The following PCDH11X variants were observed in gnomAD, a reference collection of about 807,000 sequenced individuals.
The protein encoded by PCDH11X is protocadherin-11 X-linked.
In PCDH11X, 18 loss-of-function variants were observed where a neutral mutation model predicts 53.3. The ratio of observed to expected loss-of-function variants is 0.34; its 90% CI spans 0.23 to 0.50. The LOEUF is 0.50. PCDH11X is among the 20% of genes least tolerant of loss of function. The probability of loss-of-function intolerance (pLI) is 0.98; values close to 1 mark genes in which losing one functional copy is unlikely to be tolerated. For synonymous variants in PCDH11X, 279 were observed against 393.3 expected, an observed-to-expected ratio of 0.71 and a Z score of 3.44; for missense variants, 570 against 1,032.4, an observed-to-expected ratio of 0.55 and a Z score of 6.14.
At chrX:92,284,794 G>A (rs2068326238) in intron 8 of PCDH11X, among the ~76,000 whole-genome samples, 1 of 111,766 alleles carries the variant, frequency 8.9e-6, no homozygotes, top group Non-Finnish European at 1.9e-5. Flanking sequence ...AACTCTCAAC[G>A]GCTTTGTTGC....
chrX:92,349,711 C>G (rs747852448), intron 8 of PCDH11X, among the ~76,000 whole-genome samples: 164 of 111,355 alleles, frequency 1.5e-3, no homozygotes, highest in African/African-American at 5.1e-3. Context: ...ATAAATTGTA[C>G]TTCGAGTATG....
intron 6 of PCDH11X, among the ~76,000 whole-genome samples, chrX:92,004,966 G>A (rs1486332569): frequency 1.8e-5 from 2 of 109,064 alleles, no homozygotes; most frequent in African/African-American, 3.3e-5. Flanking sequence ...TAGTAGAGAC[G>A]GGTTTCACCA....
chrX:91,924,277 G>T (rs1347604105), intron 6 of PCDH11X, among the ~76,000 whole-genome samples: 1 of 110,376 alleles, frequency 9.1e-6, no homozygotes, highest in Non-Finnish European at 1.9e-5. Flanking sequence ...CATAGTGATG[G>T]GACGTTAGAA....
chrX:91,824,526 C>T (rs1936831169), intron 4 of PCDH11X, among the ~76,000 whole-genome samples: 1 of 110,441 alleles, frequency 9.1e-6, no homozygotes, highest in East Asian at 2.8e-4. Flanking sequence ...TCAGCTCCAT[C>T]AGCTCCTTTA....
intron 7 of PCDH11X, among the ~76,000 whole-genome samples, chrX:92,254,980 G>A (rs1354708620): frequency 1.1e-5 from 1 of 94,120 alleles, no homozygotes; most frequent in African/African-American, 3.9e-5. Flanking sequence ...GAATCTGAAC[G>A]TTGGCCTGCC....
rs140902648 is a variant in PCDH11X at position 92,182,961 on chromosome X, A to G, written c.3034-18414A>G. Among the ~76,000 whole-genome samples, 375 of 110,972 alleles carry G rather than the reference A, an allele frequency of 3.4e-3. 1 individual carries two copies. The highest frequency in any genetic ancestry group is 0.019 in the Middle Eastern group (4 of 216). On this transcript the variant is annotated intron_variant, in intron 6 of 10. Transcript: ENST00000682573. ...CCCAAGACTCAACTCTTGATTCCCTACCTACAAGCCTGCTCTTCTTGAGTC... is the reference window on the plus strand; with the variant it reads ...CCCAAGACTCAACTCTTGATTCCCTGCCTACAAGCCTGCTCTTCTTGAGTC...
intron 10 of PCDH11X, among the ~76,000 whole-genome samples, chrX:92,522,747 A>G (rs1247504315): frequency 8.9e-6 from 1 of 112,670 alleles, no homozygotes; most frequent in Admixed American, 9.4e-5. Flanking sequence ...CTTCTGAAGA[A>G]GAGGAATTAC....
chrX:92,069,117 A>G (rs1489905606), intron 6 of PCDH11X, among the ~76,000 whole-genome samples: 1 of 110,153 alleles, frequency 9.1e-6, no homozygotes, highest in East Asian at 2.9e-4. Flanking sequence ...CACTCTCTTC[A>G]GCTCTAATAA....
intron 1 of PCDH11X, among the ~76,000 whole-genome samples, chrX:91,807,237 T>C (rs72605163): frequency 0.19 from 20,744 of 106,670 alleles, 1,849 homozygotes; most frequent in East Asian, 0.3. Flanking sequence ...TAGTCCTAGT[T>C]GGGAGGCTGA....
intron 6 of PCDH11X, among the ~76,000 whole-genome samples, chrX:91,890,703 A>G (rs1464728051): frequency 3.7e-5 from 4 of 108,779 alleles, no homozygotes; most frequent in Non-Finnish European, 7.6e-5. Context: ...TTTAATAATT[A>G]TGAAAATAAA....
intron 1 of PCDH11X, among the ~76,000 whole-genome samples, chrX:91,805,955 CT>C (rs1260722694): frequency 9.1e-6 from 1 of 110,008 alleles, no homozygotes; most frequent in Non-Finnish European, 1.9e-5. Flanking sequence ...GTGCCTAGGA[CT>C]TTTTTCTTAA....
At chrX:92,168,607 A>G (rs890432558) in intron 6 of PCDH11X, among the ~76,000 whole-genome samples, 1 of 111,535 alleles carries the variant, frequency 9.0e-6, no homozygotes, top group Non-Finnish European at 1.9e-5. Context: ...ATCTTGGCAG[A>G]AAATTAATAA....
chrX:92,594,779 A>T (rs1925395866), intron 10 of PCDH11X, among the ~76,000 whole-genome samples: 1 of 108,187 alleles, frequency 9.2e-6, no homozygotes, highest in Non-Finnish European at 1.9e-5. Flanking sequence ...GGAATTAATT[A>T]CATAGACTGA....
chrX:92,495,219 T>C (rs1379246046), intron 10 of PCDH11X, among the ~76,000 whole-genome samples: 1 of 111,131 alleles, frequency 9.0e-6, no homozygotes. Context: ...CTGCATACCG[T>C]CTCTTTCCAT....
chrX:92,430,820 C>A (rs1258259997), intron 9 of PCDH11X, among the ~76,000 whole-genome samples: 2 of 109,155 alleles, frequency 1.8e-5, no homozygotes, highest in African/African-American at 3.3e-5. Flanking sequence ...AAAAATAAAT[C>A]AGGTTTACAA....
rs753773696 is a variant in PCDH11X at position 92,332,953 on chromosome X, T to C, written c.3145-54782T>C. On this transcript the variant is annotated intron_variant, in intron 8 of 10. Coordinates refer to ENST00000682573, the MANE Select transcript of PCDH11X (RefSeq NM_032968.5). Reference sequence around the variant, plus strand: ...GTGGAAACTTAACAACTTGGGTTTATGTCTAGGCATTCAGAGGGGTTACCA... The same window carrying C: ...GTGGAAACTTAACAACTTGGGTTTACGTCTAGGCATTCAGAGGGGTTACCA... 1.5e-4 allele frequency among the ~76,000 whole-genome samples: 17 copies of C among 112,234 alleles called. No homozygotes were observed. The South Asian group carries it at 4.4e-3, about 29-fold the overall frequency.
At chrX:92,414,930 A>C (rs2071775396) in intron 9 of PCDH11X, among the ~76,000 whole-genome samples, 1 of 110,595 alleles carries the variant, frequency 9.0e-6, no homozygotes, top group South Asian at 3.9e-4. Flanking sequence ...CATTTTCAGA[A>C]GGTAATTATA....
intron 10 of PCDH11X, among the ~76,000 whole-genome samples, chrX:92,583,075 T>C (rs1923900883): frequency 1.9e-5 from 2 of 103,772 alleles, no homozygotes; most frequent in Non-Finnish European, 3.9e-5. Context: ...GGGACTTGCC[T>C]TATCTCAGAT....
chrX:91,995,233 AAAAC>A (rs2062395390), intron 6 of PCDH11X, among the ~76,000 whole-genome samples: 2 of 107,781 alleles, frequency 1.9e-5, no homozygotes, highest in Admixed American at 2.0e-4. Context: ...AAAAAACAAA[AAAAC>A]AAACAAAAAA....
Sources: allele counts gnomAD v4.1 joint callset (sites outside exome capture counted in the v4.1 genomes callset), GRCh38; gene constraint gnomAD v4.1.1; transcripts MANE v1.5; gene names NCBI Gene and HGNC (gene_info 2026-07-23, HGNC 2026-07-21).